The following ITPKB variants were observed in gnomAD, a reference collection of about 807,000 sequenced individuals.
The protein encoded by ITPKB is inositol-trisphosphate 3-kinase B.
ITPKB carries 13 observed loss-of-function variants against 69.4 expected under a neutral mutation model. The ratio of observed to expected loss-of-function variants is 0.19; its 90% CI spans 0.12 to 0.30. The LOEUF (loss-of-function observed/expected upper bound fraction) is 0.30, where lower values mean the gene tolerates loss of function less well. Ranked by LOEUF, ITPKB falls within the 10% of genes least tolerant of loss-of-function variation. The pLI is 1.00. For missense variants in ITPKB, 1,240 were observed against 1,250.5 expected (o/e 0.99, Z 0.13); for synonymous variants, 584 against 513.7 (o/e 1.14, Z -1.85).
At chr1:226,675,977 C>G (rs1272243328) in intron 2 of ITPKB, 2 of 152,178 alleles carry the variant, frequency 1.3e-5, no homozygotes, top group Non-Finnish European at 2.9e-5. Context: ...GTCTAAATAA[C>G]CAAAGTGGGG....
At chr1:226,682,455 T>C (rs1656115006) in intron 2 of ITPKB, among the ~76,000 whole-genome samples, 1 of 152,214 alleles carries the variant, frequency 6.6e-6, no homozygotes, top group Non-Finnish European at 1.5e-5. Context: ...ATTTGAGTCC[T>C]AGCTCCAGCA....
chr1:226,661,845 G>T (rs1317246418), intron 2 of ITPKB, among the ~76,000 whole-genome samples: 3 of 152,206 alleles, frequency 2.0e-5, no homozygotes, highest in African/African-American at 7.2e-5. Flanking sequence ...CCCAGCAGAT[G>T]TTAGCAGTAG....
intron 2 of ITPKB, among the ~76,000 whole-genome samples, chr1:226,682,322 T>C (rs542747157): frequency 6.6e-6 from 1 of 152,284 alleles, no homozygotes; most frequent in African/African-American, 2.4e-5. Flanking sequence ...AAAATATAAA[T>C]AACATTCAGC....
intron 2 of ITPKB, among the ~76,000 whole-genome samples, chr1:226,651,341 A>G (rs547418225): frequency 3.9e-5 from 6 of 152,332 alleles, no homozygotes; most frequent in South Asian, 4.1e-4. Context: ...TTCCTCCTCA[A>G]TGACTGACCT....
intron 2 of ITPKB, among the ~76,000 whole-genome samples, chr1:226,733,926 C>A (rs1338392260): frequency 6.6e-6 from 1 of 152,218 alleles, no homozygotes; most frequent in Non-Finnish European, 1.5e-5. Flanking sequence ...TAATCTACCA[C>A]TAGAAAGGGT....
At position 226,735,736 on chromosome 1, in the gene ITPKB, C is replaced by T. The variant is rs1409921400; in HGVS notation, c.1723G>A (p.Gly575Ser). The T allele has an allele frequency of 6.3e-7, 1 of 1,588,650 alleles. No homozygotes were observed. Among genetic ancestry groups the T allele is most frequent in the Admixed American group, 1.7e-5 (1 of 58,032 alleles). Residue 575 changes from glycine (G) to serine (S), a missense_variant, in exon 2 of 8, where the codon GGC (glycine) becomes AGC (serine). Physicochemically the swap from Gly to Ser is moderately conservative, Grantham distance 56 (BLOSUM62 0). Coordinates refer to ENST00000429204, the MANE Select transcript of ITPKB (RefSeq NM_002221.4). ...NIPAVIITDM[G>S]TQEDGALEET... is the part of the protein sequence containing the mutation. ...TCCAAGGCCCCATCCTCCTGGGTGC[C>T]CATGTCTGTAATGATGACAGCAGGT...
chr1:226,692,365 A>G (rs1225884437), intron 2 of ITPKB, among the ~76,000 whole-genome samples: 1 of 152,188 alleles, frequency 6.6e-6, no homozygotes, highest in East Asian at 1.9e-4. Context: ...TAAAAGGAAG[A>G]TCATCCCAGC....
At chr1:226,638,197 AG>A (rs1487979779) in intron 6 of ITPKB, among the ~76,000 whole-genome samples, 4 of 152,172 alleles carry the variant, frequency 2.6e-5, no homozygotes, top group South Asian at 4.1e-4. Flanking sequence ...CTTCAGCACC[AG>A]GAACAAACCC....
At position 226,688,589 on chromosome 1, in the gene ITPKB, A is replaced by T. The variant is rs1656271255; in HGVS notation, c.1933-39818T>A. 3.9e-5 allele frequency among the ~76,000 whole-genome samples: 6 copies of T among 152,242 alleles called. No homozygotes were observed. In the South Asian group the frequency reaches 1.2e-3, roughly 31 times the overall value. ...CCAAAATGCTAATGAAGCCAGTCACAATTAGCAGGCTACTCAGGGGCTGCC... is the reference window on the plus strand; with the variant it reads ...CCAAAATGCTAATGAAGCCAGTCACTATTAGCAGGCTACTCAGGGGCTGCC... On this transcript the variant is annotated intron_variant, in intron 2 of 7. Transcript: ENST00000429204.
intron 4 of ITPKB, among the ~76,000 whole-genome samples, chr1:226,646,632 T>A (rs1453111269): frequency 6.6e-6 from 1 of 152,092 alleles, no homozygotes; most frequent in Non-Finnish European, 1.5e-5. Context: ...CCATGTGGGT[T>A]TCTTGAGTTC....
rs371621818 is a variant in ITPKB, at chr1:226,736,343, C to T, written c.1116G>A (p.Met372Ile). 8.1e-6 allele frequency: 13 copies of T among 1,612,432 alleles called. No individual in the cohort carries two copies. The highest frequency in any genetic ancestry group is 1.1e-5 in the Non-Finnish European group (13 of 1,179,604). Residue 372 changes from methionine (M) to isoleucine (I), a missense_variant, in exon 2 of 8, where the codon ATG becomes ATA. Physicochemically the swap from Met to Ile is conservative, Grantham distance 10. Transcript: ENST00000429204. Reference protein sequence around the residue: ...GPRDGEPPGKMGKGYLPCGMP... With the variant: ...GPRDGEPPGKIGKGYLPCGMP... ...TGCCACAGGGCAGATATCCTTTCCCCATCTTCCCAGGGGGTTCTCCATCGC... is the reference window on the plus strand; with the variant it reads ...TGCCACAGGGCAGATATCCTTTCCCTATCTTCCCAGGGGGTTCTCCATCGC...
At chr1:226,644,986 C>CTGCA (rs902986270) in intron 4 of ITPKB, among the ~76,000 whole-genome samples, 3 of 152,234 alleles carry the variant, frequency 2.0e-5, no homozygotes, top group African/African-American at 7.2e-5. Context: ...AAGGGCTGGG[C>CTGCA]TGCAGCTGGG....
At chr1:226,732,759 C>T (rs1056247139) in intron 2 of ITPKB, among the ~76,000 whole-genome samples, 1 of 152,130 alleles carries the variant, frequency 6.6e-6, no homozygotes, top group East Asian at 1.9e-4. Context: ...GAGCACTATC[C>T]TTGCTCAGTG....
intron 2 of ITPKB, among the ~76,000 whole-genome samples, chr1:226,689,569 T>TTTTGTGTGTG (rs1021596011): frequency 5.1e-5 from 7 of 138,568 alleles, no homozygotes; most frequent in Admixed American, 4.3e-4. Flanking sequence ...AAGGTTTTAT[T>TTTTGTGTGTG]TGTGTGTGTG....
Position 226,666,224 on chromosome 1 carries a change from C to T in ITPKB, c.1933-17453G>A, listed in dbSNP as rs541279669. Among the ~76,000 whole-genome samples, 19 of 152,300 alleles carry T rather than the reference C, an allele frequency of 1.2e-4. No individual in the cohort carries two copies. The East Asian group carries it at 2.1e-3, about 17-fold the overall frequency. On this transcript the variant is annotated intron_variant, in intron 2 of 7. Transcript: ENST00000429204. Reference sequence around the variant, plus strand: ...TGATACCAGAAGGGAGCACATGGCACGGTGGGATCTGGTGCCTGTCGTGGC... The same window carrying T: ...TGATACCAGAAGGGAGCACATGGCATGGTGGGATCTGGTGCCTGTCGTGGC...
rs1657864070 is a variant in ITPKB, at chr1:226,738,076, T to C, written c.-205-413A>G. Among the ~76,000 whole-genome samples, 1 of 152,098 alleles carries C rather than the reference T, an allele frequency of 6.6e-6. No homozygotes were observed. The highest frequency in any genetic ancestry group is 2.1e-4 in the South Asian group (1 of 4,818). On this transcript the variant is annotated intron_variant, in intron 1 of 7. Transcript: ENST00000429204. This position sits in a 1 kb window ranked among gnomAD's most constrained non-coding sequence, Gnocchi z 4.2. ...GGGTCTCCCCAGCCTGAGCAAACAT[T>C]GGCTATCCAGGGCAACCCGGCAGCC...
At position 226,637,640 on chromosome 1, in the gene ITPKB, G is replaced by A. The variant is rs2236604; in HGVS notation, c.2625+39C>T. The A allele has an allele frequency of 0.13, 192,663 of 1,498,536 alleles. 13,851 individuals carry two copies. Among genetic ancestry groups the A allele is most frequent in the East Asian group, 0.27 (11,841 of 44,296 alleles). 92.8% of individuals were successfully genotyped at this position (1,498,536 alleles called of 1,614,324 possible). On this transcript the variant is annotated intron_variant, in intron 7 of 7. Transcript: ENST00000429204. This position sits in a 1 kb window ranked among gnomAD's most constrained non-coding sequence, Gnocchi z 4.3. ...AGAAGGAGAAGGCCTGTTGGCACGC[G>A]CAGCATTCTGCTCAAGAGGGCAAAA...
At chr1:226,689,557 G>A (rs899868124) in intron 2 of ITPKB, among the ~76,000 whole-genome samples, 4 of 145,500 alleles carry the variant, frequency 2.7e-5, no homozygotes, top group African/African-American at 7.7e-5. Flanking sequence ...TTCCTTTGTC[G>A]GAAGGTTTTA....
intron 2 of ITPKB, among the ~76,000 whole-genome samples, chr1:226,702,164 G>A (rs542498156): frequency 2.0e-5 from 3 of 152,166 alleles, no homozygotes; most frequent in Non-Finnish European, 4.4e-5. Context: ...GGGAGGCCGA[G>A]GTGGGTGGAT....
Sources: gnomAD v4.1 joint callset for allele counts (sites outside exome capture counted in the v4.1 genomes callset) on GRCh38, gnomAD v4.1.1 for gene constraint, Gnocchi (gnomAD v3.1) non-coding constraint, MANE v1.5 for transcripts, NCBI Gene and HGNC (gene_info 2026-07-23, HGNC 2026-07-21) for gene names.